The following CNMD variants were observed in gnomAD, a reference collection of about 807,000 sequenced individuals.
CNMD encodes leukocyte cell-derived chemotaxin 1.
A neutral mutation model predicts 37.5 loss-of-function variants in CNMD; 30 were observed. The observed-to-expected ratio is 0.80, with a 90% CI of 0.60 to 1.09. The LOEUF (loss-of-function observed/expected upper bound fraction) is 1.09. CNMD is among the 50% of genes least tolerant of loss of function. The pLI is 0.00. For missense variants in CNMD, 398 were observed against 423.9 expected (o/e 0.94, Z 0.54); for synonymous variants, 167 against 148.2 (o/e 1.13, Z -0.92).
chr13:52,734,977 A>G (rs934129984), intron 2 of CNMD, among the ~76,000 whole-genome samples: 3 of 152,202 alleles, frequency 2.0e-5, no homozygotes, highest in African/African-American at 4.8e-5. Flanking sequence ...GACAGAAAAT[A>G]CCAGTGTCCT....
intron 5 of CNMD, among the ~76,000 whole-genome samples, chr13:52,710,556 G>T (rs1174293026): frequency 2.0e-5 from 3 of 152,214 alleles, no homozygotes; most frequent in Non-Finnish European, 4.4e-5. Context: ...CAAGGGCATG[G>T]GCCGCTGGAC....
In CNMD at chr13:52,703,775, T is replaced by TC; in HGVS notation, c.824dup (p.Leu276ThrfsTer12). 6.2e-7 allele frequency: 1 copy of TC among 1,613,748 alleles called. No homozygotes were observed. Among genetic ancestry groups the TC allele is most frequent in the Non-Finnish European group, 8.5e-7 (1 of 1,179,646 alleles). ...TACAACAGATTCCTTCGTGATCCAGTCTAGGGTCGAATGTCATGCTTTCCC... is the reference window on the plus strand; with the variant it reads ...TACAACAGATTCCTTCGTGATCCAGTCCTAGGGTCGAATGTCATGCTTTCCC... On this transcript the variant is annotated frameshift_variant, in exon 7 of 7. Coordinates refer to ENST00000377962, the MANE Select transcript of CNMD (RefSeq NM_007015.3). LOFTEE classifies it high-confidence loss of function.
chr13:52,736,956 C>A (rs954405558), intron 2 of CNMD, among the ~76,000 whole-genome samples: 1 of 152,104 alleles, frequency 6.6e-6, no homozygotes, highest in African/African-American at 2.4e-5. Flanking sequence ...GTTCAGTTGT[C>A]CCCTGATTAT....
At chr13:52,705,516 GACA>G (rs1325490081) in intron 6 of CNMD, among the ~76,000 whole-genome samples, 2 of 152,114 alleles carry the variant, frequency 1.3e-5, no homozygotes, top group Non-Finnish European at 2.9e-5. Flanking sequence ...ACAGCAAAAA[GACA>G]ACAACCTCAT....
chr13:52,704,334 CCTG>C (rs1322985928), intron 6 of CNMD, among the ~76,000 whole-genome samples: 2 of 152,164 alleles, frequency 1.3e-5, no homozygotes, highest in African/African-American at 2.4e-5. Context: ...TTAGTTTTCT[CCTG>C]CTTTCATTTC....
chr13:52,721,081 G>A (rs1054027197), intron 4 of CNMD, among the ~76,000 whole-genome samples: 1 of 152,146 alleles, frequency 6.6e-6, no homozygotes, highest in Non-Finnish European at 1.5e-5. Context: ...GGACTTCCTG[G>A]CGGCTTTGTT....
At chr13:52,735,845 T>A (rs1446126287) in intron 2 of CNMD, among the ~76,000 whole-genome samples, 1 of 150,096 alleles carries the variant, frequency 6.7e-6, no homozygotes, top group African/African-American at 2.5e-5. Flanking sequence ...TTTTTTTTTT[T>A]TTGAGATGGA....
intron 3 of CNMD, among the ~76,000 whole-genome samples, chr13:52,727,818 A>G (rs574320986): frequency 7.9e-5 from 12 of 152,324 alleles, no homozygotes; most frequent in African/African-American, 2.9e-4. Flanking sequence ...GAGCTGGGGG[A>G]ATGAAGACAG....
chr13:52,734,998 A>C (rs533046440), intron 2 of CNMD, among the ~76,000 whole-genome samples: 2 of 152,294 alleles, frequency 1.3e-5, no homozygotes, highest in East Asian at 3.9e-4. Flanking sequence ...TTTTCAGCTC[A>C]ACCATCCCTC....
intron 5 of CNMD, among the ~76,000 whole-genome samples, chr13:52,709,397 A>G (rs1473299567): frequency 1.3e-5 from 2 of 152,264 alleles, no homozygotes; most frequent in Non-Finnish European, 2.9e-5. Flanking sequence ...TTGATCAAAT[A>G]TTCTGTTAAT....
At chr13:52,715,022 T>G (rs1964348497) in intron 4 of CNMD, among the ~76,000 whole-genome samples, 1 of 152,158 alleles carries the variant, frequency 6.6e-6, no homozygotes, top group Non-Finnish European at 1.5e-5. Context: ...TTTTAATTTT[T>G]GTGGATCTAT....
intron 6 of CNMD, among the ~76,000 whole-genome samples, chr13:52,704,791 G>A (rs1964147453): frequency 6.6e-6 from 1 of 152,176 alleles, no homozygotes; most frequent in Non-Finnish European, 1.5e-5. Flanking sequence ...GCCACGCGCA[G>A]TGGCTCATGC....
intron 5 of CNMD, among the ~76,000 whole-genome samples, chr13:52,709,839 G>A (rs1964264164): frequency 1.3e-5 from 2 of 152,272 alleles, no homozygotes; most frequent in South Asian, 4.1e-4. Context: ...CGGGCGTGGT[G>A]GCAGGCACCT....
intron 3 of CNMD, among the ~76,000 whole-genome samples, chr13:52,724,591 TCAAAA>T (rs1172108967): frequency 2.0e-5 from 3 of 147,812 alleles, no homozygotes; most frequent in African/African-American, 7.6e-5. Context: ...AGACTCCGTC[TCAAAA>T]CAAAAACAAA....
chr13:52,711,603 C>A (rs188262080), intron 5 of CNMD, among the ~76,000 whole-genome samples: 144 of 152,296 alleles, frequency 9.5e-4, no homozygotes, highest in Admixed American at 2.1e-3. Flanking sequence ...TGGAGAGGAG[C>A]CATCTTCTCC....
rs554641114 is a variant in CNMD at position 52,723,274 on chromosome 13, G to T, written c.468+723C>A. On this transcript the variant is annotated intron_variant, in intron 4 of 6. Transcript: ENST00000377962. ...GGCCAGCTAATTTTTTGTATTTTTA[G>T]TAGAGACAGGGTTTTGCCGTGTTGT... 6.6e-5 allele frequency among the ~76,000 whole-genome samples: 10 copies of T among 152,150 alleles called. No individual in the cohort carries two copies. The South Asian group carries it at 2.1e-3, about 32-fold the overall frequency.
intron 5 of CNMD, among the ~76,000 whole-genome samples, chr13:52,711,490 T>C (rs1964289422): frequency 6.6e-6 from 1 of 152,198 alleles, no homozygotes; most frequent in South Asian, 2.1e-4. Context: ...TTGGAATTCT[T>C]TCTTACTGAG....
chr13:52,738,939 A>C, intron 2 of CNMD, 92 bp downstream of exon 2: 1 of 1,236,340 alleles, frequency 8.1e-7, no homozygotes, highest in Non-Finnish European at 1.0e-6. Context: ...GCCCGCCGGC[A>C]GCCGCGCGCC....
chr13:52,716,947 C>T (rs1394814040), intron 4 of CNMD, among the ~76,000 whole-genome samples: 1 of 152,100 alleles, frequency 6.6e-6, no homozygotes, highest in African/African-American at 2.4e-5. Flanking sequence ...GCAATATGGC[C>T]ATTTTCACGA....
Sources: allele counts gnomAD v4.1 joint callset (sites outside exome capture counted in the v4.1 genomes callset), GRCh38; gene constraint gnomAD v4.1.1; transcripts MANE v1.5; gene names NCBI Gene and HGNC (gene_info 2026-07-23, HGNC 2026-07-21).